Variants in CDH26 observed in about 807,000 individuals in gnomAD.
CDH26 encodes cadherin 26.
A neutral mutation model predicts 90.3 loss-of-function variants in CDH26; 83 were observed. That is an observed-to-expected ratio of 0.92 (90% confidence interval 0.77 to 1.10). CDH26 has a LOEUF of 1.10. Ranked by LOEUF, CDH26 falls within the 50% of genes least tolerant of loss-of-function variation. The probability of loss-of-function intolerance (pLI) is 0.00; values close to 1 mark genes in which losing one functional copy is unlikely to be tolerated. For missense variants in CDH26, 1,013 were observed against 1,037.6 expected, an observed-to-expected ratio of 0.98 and a Z score of 0.33; for synonymous variants, 397 against 396.3, an observed-to-expected ratio of 1.00 and a Z score of -0.02.
intron 4 of CDH26, 107 bp from the exon 5 acceptor site, chr20:59,982,816 T>C: frequency 7.5e-7 from 1 of 1,325,448 alleles, no homozygotes; most frequent in Non-Finnish European, 1.1e-6. Flanking sequence ...GAACTCTCAG[T>C]CTAGAGGAGG....
Position 59,980,839 on chromosome 20 carries a change from T to C in CDH26, c.394-2084T>C, listed in dbSNP as rs771399684. The stretch of plus-strand genomic sequence containing the variant: ...GGTGGTGTTATCTAACACATTGTCA[T>C]CAAGATTTTCTCCTTTTTTTACTAA... On this transcript the variant is annotated intron_variant, in intron 4 of 17. Transcript: ENST00000348616. Among the ~76,000 whole-genome samples the C allele has an allele frequency of 3.9e-5, 6 of 152,368 alleles. No individual in the cohort carries two copies. The South Asian group carries it at 1.2e-3, about 32-fold the overall frequency.
chr20:60,032,330 C>T (rs2062045984), intron 8 of CDH26, among the ~76,000 whole-genome samples: 1 of 152,134 alleles, frequency 6.6e-6, no homozygotes, highest in Non-Finnish European at 1.5e-5. Context: ...TTCTATTGGC[C>T]AGAACTAGTC....
rs2061180788 is a variant in CDH26 at position 59,967,874 on chromosome 20, T to TC, written c.70-1093_70-1092insC. On this transcript the variant is annotated intron_variant, in intron 1 of 17. Coordinates refer to ENST00000348616, the MANE Select transcript of CDH26 (RefSeq NM_177980.4). ...CTTTCTTTCTTTCTTTCTTTCTTTCTTTCTTCCTTCCTTCCTTCCTTCCTT... is the reference window on the plus strand; with the variant it reads ...CTTTCTTTCTTTCTTTCTTTCTTTCTCTTCTTCCTTCCTTCCTTCCTTCCTT... Among the ~76,000 whole-genome samples the TC allele has an allele frequency of 8.4e-4, 84 of 100,382 alleles. 2 individuals carry two copies. The highest frequency in any genetic ancestry group is 4.4e-3 in the African/African-American group (63 of 14,380). The allele number at this position is 100,382 out of a possible 152,430, so 65.9% of individuals were successfully genotyped here.
At position 60,012,835 on chromosome 20, in the gene CDH26, C is replaced by T; in HGVS notation, c.*105C>T. On this transcript the variant is annotated 3_prime_UTR_variant, in exon 18 of 18. Transcript: ENST00000348616. The stretch of plus-strand genomic sequence containing the variant: ...TTTTCCCTCCTTAAAAGAAAAATTA[C>T]CTTCTAGTCCTAGGATGAGGACACA... 1 of 985,514 alleles carries T rather than the reference C, an allele frequency of 1.0e-6. No homozygotes were observed. The highest frequency in any genetic ancestry group is 1.5e-6 in the Non-Finnish European group (1 of 664,896). The allele number at this position is 985,514 out of a possible 1,614,324, so 61.0% of individuals were successfully genotyped here. A position where few individuals can be genotyped will look rare whatever the true frequency, so the allele number is the denominator to read the frequency against.
rs2061536550 is a variant in CDH26 at position 59,992,305 on chromosome 20, T to C, written c.1284-73T>C. 2.7e-6 allele frequency: 4 copies of C among 1,482,808 alleles called. No homozygotes were observed. Among genetic ancestry groups the C allele is most frequent in the Non-Finnish European group, 9.1e-7 (1 of 1,098,402 alleles). 91.9% of individuals were successfully genotyped at this position (1,482,808 alleles called of 1,614,324 possible). A position where few individuals can be genotyped will look rare whatever the true frequency, so the allele number is the denominator to read the frequency against. On this transcript the variant is annotated intron_variant, in intron 9 of 17. Transcript: ENST00000348616. This position sits in a 1 kb window ranked among gnomAD's most constrained non-coding sequence, Gnocchi z 5.0. ...AGTGTTTCTATGACATATTTTGTTT[T>C]TTTATGCAACTTTTTTATCTTTTAA... is the stretch of plus-strand genomic sequence containing the variant.
intron 7 of CDH26, among the ~76,000 whole-genome samples, 163 bp downstream of exon 7, chr20:59,985,292 G>T: frequency 6.6e-6 from 1 of 152,180 alleles, no homozygotes. Flanking sequence ...ATTGGCTCAT[G>T]GTTCTGCAGG....
intron 7 of CDH26, among the ~76,000 whole-genome samples, chr20:60,019,752 G>A (rs1364864080): frequency 6.6e-6 from 1 of 152,126 alleles, no homozygotes; most frequent in Non-Finnish European, 1.5e-5. Context: ...CTTTGGAGGT[G>A]TCATGTTTCC....
chr20:59,988,954 G>A lies in CDH26; in HGVS notation c.1074G>A (p.Glu358=). ...CGCAAAGCCTCATCATTGTCGTGGA[G>A]AATGAGGAGAGGCTCGTCTTCTGTG... is the stretch of plus-strand genomic sequence containing the variant. ...RPAQSLIIVV[E]NEERLVFCER... Residue 358 remains glutamate, a synonymous_variant, in exon 9 of 18, where the codon GAG becomes GAA. Coordinates refer to ENST00000348616, the MANE Select transcript of CDH26 (RefSeq NM_177980.4). 6.2e-7 allele frequency: 1 copy of A among 1,614,172 alleles called. No homozygotes were observed. Among genetic ancestry groups the A allele is most frequent in the Non-Finnish European group, 8.5e-7 (1 of 1,180,036 alleles).
At chr20:59,983,138 TGAG>T in intron 5 of CDH26, 68 bp downstream of exon 5, 1 of 1,525,176 alleles carries the variant, frequency 6.6e-7, no homozygotes, top group South Asian at 1.2e-5. Flanking sequence ...TTAATATTGA[TGAG>T]GAGCTTGATC....
downstream of CDH26, among the ~76,000 whole-genome samples, chr20:60,014,739 G>A (rs1025234398): frequency 2.0e-5 from 3 of 152,168 alleles, no homozygotes; most frequent in African/African-American, 7.2e-5. Flanking sequence ...CTTGGCTATT[G>A]TGAATAGTGG....
Position 59,972,015 on chromosome 20 carries a change from TG to T in CDH26, c.287del (p.Gly96ValfsTer13). The T allele has an allele frequency of 6.2e-7, 1 of 1,613,800 alleles. No individual in the cohort carries two copies. Among genetic ancestry groups the T allele is most frequent in the Non-Finnish European group, 8.5e-7 (1 of 1,179,664 alleles). Reference protein sequence around the residue: ...MSLMYLISGPGVDEYPEIGLF... With the variant: ...MSLMYLISGPXVDEYPEIGLF... ...CACTAATGTATCTAATCAGTGGACC[TG>T]GTGTGGATGAATATCCAGAGATTGG... On this transcript the variant is annotated frameshift_variant, in exon 4 of 18. Coordinates refer to ENST00000348616, the MANE Select transcript of CDH26 (RefSeq NM_177980.4). LOFTEE classifies it high-confidence loss of function.
chr20:60,015,049 C>A (rs1410066084), downstream of CDH26, among the ~76,000 whole-genome samples: 1 of 152,222 alleles, frequency 6.6e-6, no homozygotes, highest in East Asian at 1.9e-4. Context: ...GTAGTGCAAT[C>A]TCAGCTCACT....
intron 17 of CDH26, among the ~76,000 whole-genome samples, chr20:60,012,024 G>A (rs552934528): frequency 6.6e-6 from 1 of 152,284 alleles, no homozygotes; most frequent in African/African-American, 2.4e-5. Context: ...GGGGTGGCAG[G>A]AAGTGGTGGC....
intron 7 of CDH26, among the ~76,000 whole-genome samples, chr20:60,024,634 A>T (rs1328702230): frequency 6.6e-6 from 1 of 152,200 alleles, no homozygotes; most frequent in African/African-American, 2.4e-5. Flanking sequence ...AATTTTGCAG[A>T]TGTATCTCTT....
Position 59,994,229 on chromosome 20 carries a change from GA to G in CDH26, c.1427-18del. 6.2e-7 allele frequency: 1 copy of G among 1,613,506 alleles called. No individual in the cohort carries two copies. Among genetic ancestry groups the G allele is most frequent in the Non-Finnish European group, 8.5e-7 (1 of 1,179,766 alleles). ...TGTGTGCACGAGATAAACAACTCCT[GA>G]AACTTCCTCCCCATACAAGGCTTCC... On this transcript the variant is annotated intron_variant, in intron 10 of 17. Transcript: ENST00000348616.
In CDH26 at chr20:60,033,709, T is replaced by G. The variant is rs749916251; in HGVS notation, c.*33T>G. ...GTACGGTGGAGGGGCATGGGCCTGC[T>G]GTTGGCGGTGAGGGCCTTGGAAATG... On this transcript the variant is annotated 3_prime_UTR_variant, in exon 9 of 9. Transcript: ENST00000370991. 5 of 1,279,868 alleles carry G rather than the reference T, an allele frequency of 3.9e-6. No homozygotes were observed. The South Asian group carries it at 6.4e-5, about 16-fold the overall frequency. The allele number at this position is 1,279,868 out of a possible 1,614,324, so 79.3% of individuals were successfully genotyped here. A position where few individuals can be genotyped will look rare whatever the true frequency, so the allele number is the denominator to read the frequency against.
intron 12 of CDH26, chr20:59,996,371 G>T: frequency 1.4e-6 from 2 of 1,465,126 alleles, no homozygotes; most frequent in Non-Finnish European, 1.8e-6. Context: ...ACTTGGCAAG[G>T]CTAATAAGAA....
At chr20:59,993,317 G>A (rs168981) in intron 10 of CDH26, among the ~76,000 whole-genome samples, 19,283 of 151,958 alleles carry the variant, frequency 0.13, 3,444 homozygotes, top group African/African-American at 0.4. Context: ...TTTTGGTTAC[G>A]TAGATGAATT....
At chr20:60,018,117 G>A (rs1005970145), downstream of CDH26, among the ~76,000 whole-genome samples, 77 of 152,020 alleles carry the variant, frequency 5.1e-4, no homozygotes, top group African/African-American at 1.8e-3. Context: ...AGTCTACTAG[G>A]TCTATTTGGT....
Sources: allele counts gnomAD v4.1 joint callset (sites outside exome capture counted in the v4.1 genomes callset), GRCh38; gene constraint gnomAD v4.1.1; non-coding constraint Gnocchi (gnomAD v3.1); transcripts MANE v1.5; gene names NCBI Gene and HGNC (gene_info 2026-07-23, HGNC 2026-07-21).